Variants in AGAP1 observed in about 807,000 individuals in gnomAD.
AGAP1 encodes arf-GAP with GTPase, ANK repeat and PH domain-containing protein 1.
Under a neutral mutation model 105.3 loss-of-function variants are expected in AGAP1, and 29 were observed. That is an observed-to-expected ratio of 0.28 (90% CI 0.21 to 0.38). The LOEUF (loss-of-function observed/expected upper bound fraction) is 0.38. AGAP1 is among the 10% of genes least tolerant of loss of function. The pLI is 1.00. For missense variants in AGAP1, 998 were observed against 1,165.1 expected, an observed-to-expected ratio of 0.86 and a Z score of 2.09; for synonymous variants, 509 against 485.9, an observed-to-expected ratio of 1.05 and a Z score of -0.63.
At chr2:235,648,907 A>G (rs1379028241) in intron 1 of AGAP1, among the ~76,000 whole-genome samples, 3 of 151,484 alleles carry the variant, frequency 2.0e-5, no homozygotes, top group Non-Finnish European at 2.9e-5. Context: ...AAGTCATGTA[A>G]TTGTGACCTC....
chr2:235,708,445 A>T (rs1478812278), intron 1 of AGAP1, among the ~76,000 whole-genome samples: 2 of 152,130 alleles, frequency 1.3e-5, no homozygotes, highest in African/African-American at 4.8e-5. Flanking sequence ...GGGTGGGTGC[A>T]CTGTGCACAG....
At chr2:235,680,434 C>T (rs977965545) in intron 1 of AGAP1, among the ~76,000 whole-genome samples, 3 of 152,036 alleles carry the variant, frequency 2.0e-5, no homozygotes, top group African/African-American at 7.2e-5. Flanking sequence ...TGGGAAGCAC[C>T]CTCGTGTCCA....
At chr2:235,588,083 AGTCG>A (rs1291527246) in intron 1 of AGAP1, among the ~76,000 whole-genome samples, 1 of 152,016 alleles carries the variant, frequency 6.6e-6, no homozygotes, top group African/African-American at 2.4e-5. Flanking sequence ...TACAAAAATC[AGTCG>A]GGCATGGTGG....
chr2:235,531,775 A>G (rs1943053941), intron 1 of AGAP1, among the ~76,000 whole-genome samples: 1 of 151,722 alleles, frequency 6.6e-6, no homozygotes, highest in Non-Finnish European at 1.5e-5. Flanking sequence ...CGCCCAGCTA[A>G]TTTTTTTGTA....
intron 16 of AGAP1, among the ~76,000 whole-genome samples, chr2:236,079,241 C>CA (rs1391014134): frequency 6.8e-6 from 1 of 146,190 alleles, no homozygotes; most frequent in African/African-American, 2.6e-5. Flanking sequence ...CCATGCTGGC[C>CA]AGGCACGGTG....
chr2:235,759,001 C>T (rs187405902), intron 6 of AGAP1, among the ~76,000 whole-genome samples: 28 of 151,980 alleles, frequency 1.8e-4, no homozygotes, highest in Non-Finnish European at 3.1e-4. Flanking sequence ...CCATGTTGCC[C>T]AGCCTAGTCT....
At chr2:235,558,670 G>C (rs1393594613) in intron 1 of AGAP1, among the ~76,000 whole-genome samples, 1 of 152,132 alleles carries the variant, frequency 6.6e-6, no homozygotes, top group Admixed American at 6.5e-5. Context: ...ATGGGATGGG[G>C]ACTGCATTCC....
intron 12 of AGAP1, among the ~76,000 whole-genome samples, chr2:235,949,251 G>A (rs995149711): frequency 6.6e-5 from 10 of 152,288 alleles, no homozygotes; most frequent in African/African-American, 1.9e-4. Context: ...GCCTTTTAGC[G>A]TCATGTCGGC....
Position 235,970,206 on chromosome 2 carries a change from T to TAAAAA in AGAP1, c.1645+1601_1645+1605dup, listed in dbSNP as rs35825564. Among the ~76,000 whole-genome samples, 34 of 117,902 alleles carry TAAAAA rather than the reference T, an allele frequency of 2.9e-4. No homozygotes were observed. Among genetic ancestry groups the TAAAAA allele is most frequent in the African/African-American group, 1.0e-3 (32 of 30,612 alleles). The allele number at this position is 117,902 out of a possible 152,430, so 77.3% of individuals were successfully genotyped here. A position where few individuals can be genotyped will look rare whatever the true frequency, so the allele number is the denominator to read the frequency against. On this transcript the variant is annotated intron_variant, in intron 13 of 17. Transcript: ENST00000304032. This position sits in a 1 kb window ranked among gnomAD's most constrained non-coding sequence, Gnocchi z 5.4. ...GGGCGACAGAGTGAGACTCTGTCTTTAAAAAAAAAAAAAAAAAAAAAAGAC... is the reference window on the plus strand; with the variant it reads ...GGGCGACAGAGTGAGACTCTGTCTTTAAAAAAAAAAAAAAAAAAAAAAAAAAAGAC...
At position 236,082,600 on chromosome 2, in the gene AGAP1, G is replaced by A. The variant is rs1430045950; in HGVS notation, c.2114+33319G>A. Among the ~76,000 whole-genome samples the A allele has an allele frequency of 6.6e-6, 1 of 152,248 alleles. No homozygotes were observed. The highest frequency in any genetic ancestry group is 2.1e-4 in the South Asian group (1 of 4,830). On this transcript the variant is annotated intron_variant, in intron 16 of 17. Transcript: ENST00000304032. The surrounding 1 kb of genome is among the most constrained non-coding windows in gnomAD (Gnocchi z 4.2). ...CTAGTTAAAGAAAAGAGGGCCAGGT[G>A]CAACGGCTCACGCCTGTAATCCCAA...
At chr2:235,813,623 G>C (rs1253297680) in intron 9 of AGAP1, among the ~76,000 whole-genome samples, 1 of 152,248 alleles carries the variant, frequency 6.6e-6, no homozygotes, top group African/African-American at 2.4e-5. Flanking sequence ...CCCACAGCAT[G>C]GTCTAGGGCT....
chr2:235,749,632 G>A (rs1037320321), intron 5 of AGAP1, among the ~76,000 whole-genome samples: 8 of 151,758 alleles, frequency 5.3e-5, no homozygotes, highest in African/African-American at 1.9e-4. Flanking sequence ...TGCCTCAGGC[G>A]TTCTGCCCCA....
chr2:235,932,760 T>C (rs1012219918), intron 12 of AGAP1, among the ~76,000 whole-genome samples: 2 of 152,240 alleles, frequency 1.3e-5, no homozygotes, highest in African/African-American at 2.4e-5. Flanking sequence ...GCTCTTTCTG[T>C]TGAGCTGTAC....
At chr2:236,047,867 G>T (rs1035224736) in intron 15 of AGAP1, among the ~76,000 whole-genome samples, 23 of 151,902 alleles carry the variant, frequency 1.5e-4, no homozygotes, top group African/African-American at 4.6e-4. Flanking sequence ...CTCCCAAAGT[G>T]CTGGGATTAC....
chr2:235,656,335 C>G (rs1947769405), intron 1 of AGAP1, among the ~76,000 whole-genome samples: 1 of 152,182 alleles, frequency 6.6e-6, no homozygotes, highest in Non-Finnish European at 1.5e-5. Context: ...TTACATGAAG[C>G]TAATTGTTAG....
intron 1 of AGAP1, among the ~76,000 whole-genome samples, chr2:235,698,240 T>C (rs1950088788): frequency 6.6e-6 from 1 of 151,470 alleles, no homozygotes; most frequent in Non-Finnish European, 1.5e-5. Context: ...TGTGAGCTTA[T>C]GGGGAGCAGC....
intron 9 of AGAP1, among the ~76,000 whole-genome samples, chr2:235,838,241 AGTTT>A (rs529616367): frequency 2.3e-4 from 34 of 150,560 alleles, no homozygotes; most frequent in South Asian, 1.3e-3. Context: ...ACAAAGCTGT[AGTTT>A]GTTTAACACA....
At chr2:235,561,814 G>A (rs931537461) in intron 1 of AGAP1, among the ~76,000 whole-genome samples, 15 of 152,122 alleles carry the variant, frequency 9.9e-5, no homozygotes, top group African/African-American at 3.6e-4. Context: ...AGCCTAAGCC[G>A]CTTCTGTTTG....
At chr2:235,899,386 G>A (rs936815463) in intron 10 of AGAP1, among the ~76,000 whole-genome samples, 11 of 152,254 alleles carry the variant, frequency 7.2e-5, no homozygotes, top group African/African-American at 1.9e-4. Context: ...GGTTGCAGGC[G>A]CCTGTAATCC....
Sources: gnomAD v4.1 joint callset for allele counts (sites outside exome capture counted in the v4.1 genomes callset) on GRCh38, gnomAD v4.1.1 for gene constraint, Gnocchi (gnomAD v3.1) non-coding constraint, MANE v1.5 for transcripts, NCBI Gene and HGNC (gene_info 2026-07-23, HGNC 2026-07-21) for gene names.